Variants in CNTNAP5 observed in about 807,000 individuals in gnomAD.
The protein encoded by CNTNAP5 is contactin associated protein family member 5.
In CNTNAP5, 72 loss-of-function variants were observed where a neutral mutation model predicts 150.2. The ratio of observed to expected loss-of-function variants is 0.48; its 90% CI spans 0.40 to 0.58. The LOEUF is 0.58. Among genes scored for constraint, CNTNAP5 ranks in the 20% least tolerant of loss-of-function variants. The probability of loss-of-function intolerance (pLI) is 0.00; values close to 1 mark genes in which losing one functional copy is unlikely to be tolerated. For synonymous variants in CNTNAP5, 672 were observed against 619.8 expected (o/e 1.08, Z -1.25); for missense variants, 1,636 against 1,626.2 (o/e 1.01, Z -0.10).
chr2:124,852,362 T>C (rs1289102909), intron 19 of CNTNAP5, among the ~76,000 whole-genome samples: 1 of 152,128 alleles, frequency 6.6e-6, no homozygotes, highest in Non-Finnish European at 1.5e-5. Context: ...CAGATCTGTA[T>C]CAGGAGCATT....
At chr2:124,145,808 ACAT>A (rs1684227247) in intron 1 of CNTNAP5, among the ~76,000 whole-genome samples, 2 of 26,796 alleles carry the variant, frequency 7.5e-5, no homozygotes, top group Non-Finnish European at 6.5e-5. Flanking sequence ...AAAAAAAAAA[ACAT>A]TAAAAAAAAA....
At chr2:124,367,716 T>A (rs1690414192) in intron 3 of CNTNAP5, among the ~76,000 whole-genome samples, 1 of 152,212 alleles carries the variant, frequency 6.6e-6, no homozygotes, top group South Asian at 2.1e-4. Flanking sequence ...GTGTACTCCA[T>A]CTGAACCTTA....
intron 1 of CNTNAP5, among the ~76,000 whole-genome samples, chr2:124,148,039 C>T (rs561194395): frequency 6.6e-6 from 1 of 152,312 alleles, no homozygotes; most frequent in East Asian, 1.9e-4. Context: ...GGCACTTTCA[C>T]TCACACTGCC....
chr2:124,262,364 C>T (rs1371456378), intron 3 of CNTNAP5, among the ~76,000 whole-genome samples: 1 of 152,190 alleles, frequency 6.6e-6, no homozygotes, highest in Non-Finnish European at 1.5e-5. Context: ...TGATTGTACA[C>T]ACAATAAATC....
At chr2:124,124,811 C>T (rs1420220366) in intron 1 of CNTNAP5, among the ~76,000 whole-genome samples, 1 of 152,178 alleles carries the variant, frequency 6.6e-6, no homozygotes, top group Non-Finnish European at 1.5e-5. Context: ...TCCAGCCAAA[C>T]TAAGCTTCAC....
intron 11 of CNTNAP5, among the ~76,000 whole-genome samples, chr2:124,597,094 C>G (rs2104967455): frequency 6.6e-6 from 1 of 150,790 alleles, no homozygotes; most frequent in South Asian, 2.2e-4. Flanking sequence ...GACTCTTTAT[C>G]CAATTTGCCA....
chr2:124,806,476 G>C (rs1382201253), intron 19 of CNTNAP5, among the ~76,000 whole-genome samples: 2 of 152,182 alleles, frequency 1.3e-5, no homozygotes, highest in African/African-American at 4.8e-5. Flanking sequence ...AGGCAGGGTT[G>C]CTTGGGGAGT....
At chr2:124,233,629 C>T (rs1686676681) in intron 2 of CNTNAP5, among the ~76,000 whole-genome samples, 1 of 152,034 alleles carries the variant, frequency 6.6e-6, no homozygotes, top group Non-Finnish European at 1.5e-5. Flanking sequence ...TATAAATCTT[C>T]ATTCTATCCC....
chr2:124,699,350 C>A (rs1179462131), intron 13 of CNTNAP5, among the ~76,000 whole-genome samples: 1 of 152,104 alleles, frequency 6.6e-6, no homozygotes, highest in African/African-American at 2.4e-5. Flanking sequence ...GGGAGGGGCT[C>A]AGATTGGTAA....
intron 3 of CNTNAP5, among the ~76,000 whole-genome samples, chr2:124,409,814 A>G (rs1485564669): frequency 6.6e-6 from 1 of 152,128 alleles, no homozygotes; most frequent in East Asian, 1.9e-4. Context: ...CAGAAACTGC[A>G]TCAACTAACG....
intron 3 of CNTNAP5, among the ~76,000 whole-genome samples, chr2:124,283,548 G>T (rs945729134): frequency 2.6e-5 from 4 of 152,086 alleles, no homozygotes; most frequent in African/African-American, 9.7e-5. Flanking sequence ...CAAGCACATA[G>T]GAATAAATTC....
At chr2:124,866,277 A>G (rs1677630482) in intron 20 of CNTNAP5, among the ~76,000 whole-genome samples, 1 of 152,124 alleles carries the variant, frequency 6.6e-6, no homozygotes. Flanking sequence ...ACAAACAAAC[A>G]AAAAGAAATG....
intron 7 of CNTNAP5, among the ~76,000 whole-genome samples, chr2:124,494,582 G>C (rs1694105438): frequency 6.6e-6 from 1 of 152,136 alleles, no homozygotes; most frequent in Non-Finnish European, 1.5e-5. Flanking sequence ...CCTTAATTTA[G>C]TGAAGTTGAC....
In CNTNAP5 at chr2:124,702,659, C is replaced by A. The variant is rs1386398935; in HGVS notation, c.2078-44570C>A. On this transcript the variant is annotated intron_variant, in intron 13 of 23. Transcript: ENST00000682447. ...TCAGAAGGGGCTGGAGAATTGCATG[C>A]CAAGCAGTGTCTGCCCTATATCAAT... Among the ~76,000 whole-genome samples the A allele has an allele frequency of 2.6e-5, 4 of 151,860 alleles. No homozygotes were observed. In the South Asian group the frequency reaches 6.2e-4, roughly 24 times the overall value.
chr2:124,816,858 A>T (rs1682375257), intron 19 of CNTNAP5, among the ~76,000 whole-genome samples: 1 of 152,138 alleles, frequency 6.6e-6, no homozygotes, highest in Non-Finnish European at 1.5e-5. Context: ...TACAGAGAGG[A>T]TATTCTATCA....
At chr2:124,760,647 T>A (rs74505603) in intron 14 of CNTNAP5, among the ~76,000 whole-genome samples, 1,982 of 152,282 alleles carry the variant, frequency 0.013, 51 homozygotes, top group African/African-American at 0.045. Context: ...CATATGCCTA[T>A]TCCATGTGCC....
At chr2:124,300,491 T>A (rs1688547260) in intron 3 of CNTNAP5, among the ~76,000 whole-genome samples, 1 of 152,010 alleles carries the variant, frequency 6.6e-6, no homozygotes, top group East Asian at 1.9e-4. Flanking sequence ...GTTCTAGGCA[T>A]GGAGCAGAGA....
At chr2:124,035,494 T>C (rs1402286309) in intron 1 of CNTNAP5, among the ~76,000 whole-genome samples, 1 of 152,190 alleles carries the variant, frequency 6.6e-6, no homozygotes, top group Non-Finnish European at 1.5e-5. Flanking sequence ...CTTGTTTTTA[T>C]GTTTTATGGC....
intron 3 of CNTNAP5, among the ~76,000 whole-genome samples, chr2:124,402,789 G>C (rs1691462764): frequency 6.6e-6 from 1 of 152,106 alleles, no homozygotes; most frequent in African/African-American, 2.4e-5. Flanking sequence ...GGAAGAGTGG[G>C]GGAAAAGGAG....
Sources: gnomAD v4.1 joint callset for allele counts (sites outside exome capture counted in the v4.1 genomes callset) on GRCh38, gnomAD v4.1.1 for gene constraint, MANE v1.5 for transcripts, NCBI Gene and HGNC (gene_info 2026-07-23, HGNC 2026-07-21) for gene names.